MORC3: variants seen among roughly 807,000 people sequenced by gnomAD.
The protein encoded by MORC3 is MORC family CW-type zinc finger 3.
MORC3 carries 31 observed loss-of-function variants against 109.1 expected under a neutral mutation model. That is an observed-to-expected ratio of 0.28 (90% CI 0.21 to 0.38). The LOEUF (loss-of-function observed/expected upper bound fraction) is 0.38. Among genes scored for constraint, MORC3 ranks in the 10% least tolerant of loss-of-function variants. The pLI is 1.00. For synonymous variants in MORC3, 395 were observed against 380.7 expected (o/e 1.04, Z -0.44); for missense variants, 867 against 1,135.8 (o/e 0.76, Z 3.40).
chr21:36,329,091 G>C (rs1328659473), intron 1 of MORC3, among the ~76,000 whole-genome samples: 1 of 152,010 alleles, frequency 6.6e-6, no homozygotes, highest in Non-Finnish European at 1.5e-5. Context: ...TCGGCAGTTC[G>C]AGACCAGCGT....
chr21:36,337,647 TA>T (rs372807986), intron 3 of MORC3, 84 bp from the exon 4 acceptor site: 24,036 of 948,332 alleles, frequency 0.025, 372 homozygotes, highest in Admixed American at 0.052. Flanking sequence ...ATTAATGAAT[TA>T]AAAAAAAAGA....
At chr21:36,346,482 A>G (rs1472004614) in intron 8 of MORC3, among the ~76,000 whole-genome samples, 1 of 152,116 alleles carries the variant, frequency 6.6e-6, no homozygotes, top group African/African-American at 2.4e-5. Context: ...GCTTGAGGCC[A>G]GTGCTTCAAG....
At chr21:36,336,657 A>G (rs1300950744) in intron 2 of MORC3, among the ~76,000 whole-genome samples, 1 of 152,200 alleles carries the variant, frequency 6.6e-6, no homozygotes, top group African/African-American at 2.4e-5. Flanking sequence ...TGTTAATTCT[A>G]TAATAGTCGA....
intron 15 of MORC3, among the ~76,000 whole-genome samples, chr21:36,371,903 T>A (rs1215180209): frequency 6.7e-6 from 1 of 149,462 alleles, no homozygotes; most frequent in East Asian, 2.0e-4. Flanking sequence ...AACCTCCACC[T>A]CCTGGGTTCA....
At chr21:36,345,337 A>G (rs1211006179) in intron 8 of MORC3, among the ~76,000 whole-genome samples, 3 of 149,698 alleles carry the variant, frequency 2.0e-5, no homozygotes, top group Non-Finnish European at 4.4e-5. Flanking sequence ...TGCCATATTC[A>G]CCTTCTGGGT....
chr21:36,346,551 T>TCA (rs2085509611), intron 8 of MORC3, among the ~76,000 whole-genome samples: 1 of 151,998 alleles, frequency 6.6e-6, no homozygotes, highest in Non-Finnish European at 1.5e-5. Context: ...CTTACACCTG[T>TCA]AATCCCAGCA....
At chr21:36,345,358 C>G (rs1032120279) in intron 8 of MORC3, among the ~76,000 whole-genome samples, 1 of 152,078 alleles carries the variant, frequency 6.6e-6, no homozygotes, top group Non-Finnish European at 1.5e-5. Flanking sequence ...TCAAGTGATT[C>G]TGCTGCCTCA....
At chr21:36,324,645 CTG>C (rs1474663354) in intron 1 of MORC3, among the ~76,000 whole-genome samples, 2 of 150,786 alleles carry the variant, frequency 1.3e-5, no homozygotes, top group Non-Finnish European at 2.9e-5. Flanking sequence ...GTTTCTTTTA[CTG>C]TGTATTGTTT....
chr21:36,361,523 A>G (rs1396266543), intron 12 of MORC3, among the ~76,000 whole-genome samples: 3 of 118,950 alleles, frequency 2.5e-5, no homozygotes, highest in African/African-American at 9.7e-5. Flanking sequence ...CCTGGGCGAC[A>G]GAGTGAGACT....
chr21:36,369,424 G>A lies in MORC3; in HGVS notation c.2056G>A (p.Asp686Asn), dbSNP rs1033673939. The A allele has an allele frequency of 5.8e-5, 94 of 1,614,012 alleles. No individual in the cohort carries two copies. Among genetic ancestry groups the A allele is most frequent in the Non-Finnish European group, 7.5e-5 (89 of 1,180,030 alleles). The change falls in exon 15 of 17, where the codon GAT becomes AAT. Residue 686 changes from aspartate to asparagine, a missense_variant. Asp to Asn is a conservative substitution (Grantham distance 23, BLOSUM62 1). Transcript: ENST00000400485. Reference protein sequence around the residue: ...AKIHETQETTDKSADDAGCQL... With the variant: ...AKIHETQETTNKSADDAGCQL... The stretch of plus-strand genomic sequence containing the variant: ...GATACATGAAACCCAGGAAACCACC[G>A]ATAAATCTGCAGATGATGCAGGCTG...
At chr21:36,322,551 T>C (rs191309202) in intron 1 of MORC3, among the ~76,000 whole-genome samples, 147 of 152,176 alleles carry the variant, frequency 9.7e-4, no homozygotes, top group Non-Finnish European at 1.9e-3. Flanking sequence ...TTGGTATTTT[T>C]AGTATATATA....
At chr21:36,365,647 T>C (rs1397193545) in intron 14 of MORC3, among the ~76,000 whole-genome samples, 4 of 152,128 alleles carry the variant, frequency 2.6e-5, no homozygotes, top group Non-Finnish European at 5.9e-5. Flanking sequence ...AATGGTGCAA[T>C]CTCAACTCAA....
intron 16 of MORC3, among the ~76,000 whole-genome samples, chr21:36,372,967 T>G (rs898358352): frequency 6.6e-6 from 1 of 152,206 alleles, no homozygotes; most frequent in African/African-American, 2.4e-5. Flanking sequence ...CACTGTATGC[T>G]CACTCTAATC....
chr21:36,345,137 C>G, intron 8 of MORC3, 106 bp downstream of exon 8: 2 of 1,209,588 alleles, frequency 1.7e-6, no homozygotes, highest in Non-Finnish European at 2.3e-6. Flanking sequence ...TACCTTTTGC[C>G]TATAGCTTTT....
chr21:36,320,280 C>G lies in MORC3; in HGVS notation c.16C>G (p.Pro6Ala), dbSNP rs202025634. The G allele has an allele frequency of 6.3e-7, 1 of 1,579,780 alleles. No individual in the cohort carries two copies. MAAQP[P>A]RGIRLSALCP... ...CTCGCTCAAGATGGCGGCGCAGCCA[C>G]CCCGCGGGATACGCCTCAGCGCGGT... Residue 6 changes from proline (P) to alanine (A), a missense_variant, in exon 1 of 17, where the codon CCC becomes GCC. By Grantham distance (27) the Pro-to-Ala change is conservative. Around this residue, in one of 7 missense-constraint regions of MORC3, gnomAD observed 33 missense variants for 18.5 expected, o/e 1.78. Coordinates refer to ENST00000400485, the MANE Select transcript of MORC3 (RefSeq NM_015358.3).
At chr21:36,371,279 A>G (rs964479383) in intron 15 of MORC3, among the ~76,000 whole-genome samples, 1 of 152,170 alleles carries the variant, frequency 6.6e-6, no homozygotes, top group African/African-American at 2.4e-5. Flanking sequence ...TCATGCAAAC[A>G]CTAATCTTGA....
At chr21:36,323,969 G>C (rs549657506) in intron 1 of MORC3, among the ~76,000 whole-genome samples, 89 of 151,108 alleles carry the variant, frequency 5.9e-4, no homozygotes, top group Non-Finnish European at 1.1e-3. Flanking sequence ...CCTGCCTCCC[G>C]GGTTCAAGCG....
At chr21:36,338,629 A>G (rs567467836) in intron 4 of MORC3, 145 bp from the exon 5 acceptor site, 7 of 763,326 alleles carry the variant, frequency 9.2e-6, no homozygotes, top group African/African-American at 7.1e-5. Flanking sequence ...AGCCTAAGCA[A>G]TAGTGAGACC....
At chr21:36,351,203 G>A (rs2085568365) in intron 9 of MORC3, among the ~76,000 whole-genome samples, 1 of 151,748 alleles carries the variant, frequency 6.6e-6, no homozygotes, top group Middle Eastern at 3.4e-3. Context: ...GAGTAGCTGG[G>A]ACTACAGGCA....
Sources: gnomAD v4.1 joint callset for allele counts (sites outside exome capture counted in the v4.1 genomes callset) on GRCh38, gnomAD v4.1.1 for gene constraint, gnomAD v4.1.1 regional missense constraint, MANE v1.5 for transcripts, NCBI Gene and HGNC (gene_info 2026-07-23, HGNC 2026-07-21) for gene names.